The following FAT1 variants were observed in gnomAD, a reference collection of about 807,000 sequenced individuals.
The protein encoded by FAT1 is FAT atypical cadherin 1, also known as protocadherin Fat 1.
In FAT1, 171 loss-of-function variants were observed where a neutral mutation model predicts 329.8. That is an observed-to-expected ratio of 0.52 (90% CI 0.46 to 0.59). The LOEUF (loss-of-function observed/expected upper bound fraction) is 0.59, where lower values mean the gene tolerates loss of function less well. Among genes scored for constraint, FAT1 ranks in the 20% least tolerant of loss-of-function variants. FAT1 has a pLI of 0.00. For synonymous variants in FAT1, 2,233 were observed against 2,228.6 expected (o/e 1.00, Z -0.06); for missense variants, 5,672 against 5,774.4 (o/e 0.98, Z 0.57).
At chr4:186,610,248 C>G (rs930551436) in intron 14 of FAT1, among the ~76,000 whole-genome samples, 2 of 152,022 alleles carry the variant, frequency 1.3e-5, no homozygotes, top group Non-Finnish European at 2.9e-5. Flanking sequence ...ATTTAAATTG[C>G]TTTTCCAGTC....
intron 7 of FAT1, among the ~76,000 whole-genome samples, chr4:186,629,464 A>G (rs2126547094): frequency 1.3e-5 from 2 of 152,390 alleles, no homozygotes; most frequent in South Asian, 4.1e-4. Context: ...AAGCTAAATT[A>G]GAAACAAACA....
At chr4:186,609,667 C>T (rs776560130) in intron 15 of FAT1, 134 bp downstream of exon 15, 18 of 660,046 alleles carry the variant, frequency 2.7e-5, no homozygotes, top group South Asian at 1.1e-4. Context: ...AATCAGTTGG[C>T]CTAACAAAAG....
chr4:186,708,220 C>CA lies in FAT1; in HGVS notation c.1607dup (p.Arg537GlufsTer25). On this transcript the variant is annotated frameshift_variant, in exon 2 of 27. Transcript: ENST00000441802. LOFTEE classifies it high-confidence loss of function. ...AGCCCCAGTCTGATGCACGAATCCTCAGAGTATAAACCCGAGGCATCAGTT... is the reference window on the plus strand; with the variant it reads ...AGCCCCAGTCTGATGCACGAATCCTCAAGAGTATAAACCCGAGGCATCAGTT... The CA allele has an allele frequency of 6.2e-7, 1 of 1,613,992 alleles. No homozygotes were observed. The highest frequency in any genetic ancestry group is 8.5e-7 in the Non-Finnish European group (1 of 1,179,890).
At chr4:186,645,968 T>TACACACACACAC (rs371987938) in intron 3 of FAT1, among the ~76,000 whole-genome samples, 23 of 105,224 alleles carry the variant, frequency 2.2e-4, no homozygotes, top group East Asian at 2.8e-4. Flanking sequence ...AAAAAATATA[T>TACACACACACAC]ACACACACAC....
intron 10 of FAT1, 73 bp from the exon 11 acceptor site, chr4:186,617,274 CT>C (rs1376297249): frequency 9.3e-7 from 1 of 1,074,152 alleles, no homozygotes; most frequent in Non-Finnish European, 1.3e-6. Context: ...AAAAAATAAA[CT>C]GTACAAAAGA....
At chr4:186,661,559 TAC>T (rs1178608297) in intron 3 of FAT1, among the ~76,000 whole-genome samples, 1 of 152,214 alleles carries the variant, frequency 6.6e-6, no homozygotes, top group Non-Finnish European at 1.5e-5. Context: ...GGGAGGGTGG[TAC>T]ACCCTGACTC....
intron 2 of FAT1, among the ~76,000 whole-genome samples, chr4:186,683,124 T>C (rs1322303112): frequency 6.6e-6 from 1 of 152,162 alleles, no homozygotes; most frequent in African/African-American, 2.4e-5. Context: ...TTCCCTCTGA[T>C]TAAAAATTGT....
chr4:186,670,674 T>C (rs1040275519), intron 2 of FAT1, among the ~76,000 whole-genome samples: 3 of 152,188 alleles, frequency 2.0e-5, no homozygotes, highest in African/African-American at 4.8e-5. Flanking sequence ...TAAAAGTAGA[T>C]TGTAAGCTTC....
chr4:186,624,976 A>T (rs1740228902), intron 9 of FAT1, among the ~76,000 whole-genome samples: 1 of 152,212 alleles, frequency 6.6e-6, no homozygotes, highest in African/African-American at 2.4e-5. Flanking sequence ...GCATCTTAAA[A>T]GTCCTAATTC....
chr4:186,613,584 T>G (rs1318325228), intron 12 of FAT1, among the ~76,000 whole-genome samples: 1 of 152,222 alleles, frequency 6.6e-6, no homozygotes, highest in African/African-American at 2.4e-5. Context: ...TCTCACCTTG[T>G]GTATAAGATT....
At chr4:186,635,048 G>A (rs1740763707) in intron 6 of FAT1, among the ~76,000 whole-genome samples, 1 of 152,202 alleles carries the variant, frequency 6.6e-6, no homozygotes, top group African/African-American at 2.4e-5. Context: ...GGTTTCACAG[G>A]TGCTGATGAC....
At chr4:186,666,565 C>G (rs1462730287) in intron 2 of FAT1, among the ~76,000 whole-genome samples, 1 of 152,192 alleles carries the variant, frequency 6.6e-6, no homozygotes, top group Non-Finnish European at 1.5e-5. Context: ...TAGAAAATCT[C>G]AAGAAGACAG....
Position 186,709,822 on chromosome 4 carries a change from C to T in FAT1, c.6G>A (p.Gly2=), listed in dbSNP as rs1285993905. The T allele has an allele frequency of 6.3e-7, 1 of 1,599,052 alleles. No homozygotes were observed. Among genetic ancestry groups the T allele is most frequent in the Non-Finnish European group, 8.5e-7 (1 of 1,170,962 alleles). The change falls in exon 2 of 27, where the codon GGG becomes GGA. Residue 2 remains glycine, a synonymous_variant. Coordinates refer to ENST00000441802, the MANE Select transcript of FAT1 (RefSeq NM_005245.4). ...GAAGCAGGAGCAAAGCCAAATGTCT[C>T]CCCATTGCTTAACTGTCGGGAATCT... M[G]RHLALLLLLL... is the part of the protein sequence containing the mutation.
chr4:186,709,600 G>C lies in FAT1; in HGVS notation c.228C>G (p.Ser76=), dbSNP rs574717722. 1 of 1,613,880 alleles carries C rather than the reference G, an allele frequency of 6.2e-7. No homozygotes were observed. The highest frequency in any genetic ancestry group is 8.5e-7 in the Non-Finnish European group (1 of 1,179,868). Reference sequence around the variant, plus strand: ...CTTTGAACAGGTTTTCACTGTCTCCGGAAACAATTTTGTACCTTACTTCCC... The same window carrying C: ...CTTTGAACAGGTTTTCACTGTCTCCCGAAACAATTTTGTACCTTACTTCCC... ...PAWEVRYKIV[S]GDSENLFKAE... Residue 76 remains serine, a synonymous_variant, in exon 2 of 27, where the codon TCC becomes TCG. Transcript: ENST00000441802.
chr4:186,604,786 A>AC (rs1739014581), intron 17 of FAT1, among the ~76,000 whole-genome samples: 1 of 123,160 alleles, frequency 8.1e-6, no homozygotes, highest in South Asian at 3.4e-4. Context: ...AAGAAAAAGG[A>AC]GGATGAAGGA....
At chr4:186,718,730 C>G (rs1745332185) in intron 1 of FAT1, among the ~76,000 whole-genome samples, 2 of 152,126 alleles carry the variant, frequency 1.3e-5, no homozygotes, top group South Asian at 4.2e-4. Context: ...TTCAAACAAA[C>G]ACTCTTATTC....
intron 16 of FAT1, among the ~76,000 whole-genome samples, chr4:186,607,711 A>G (rs72716251): frequency 0.26 from 39,261 of 151,152 alleles, 6,069 homozygotes; most frequent in Non-Finnish European, 0.34. Context: ...GGGTAGGTGA[A>G]TGGGTGGGTA....
At chr4:186,712,667 AT>A (rs1002244899) in intron 1 of FAT1, among the ~76,000 whole-genome samples, 2 of 152,160 alleles carry the variant, frequency 1.3e-5, no homozygotes, top group Non-Finnish European at 2.9e-5. Context: ...GGAACCCTAA[AT>A]CCAAAGGGTC....
chr4:186,652,393 C>CA (rs1329921386), intron 3 of FAT1, among the ~76,000 whole-genome samples: 1 of 152,120 alleles, frequency 6.6e-6, no homozygotes, highest in Admixed American at 6.6e-5. Flanking sequence ...ATAGAAAAAC[C>CA]AAATGCTGAC....
Sources: allele counts gnomAD v4.1 joint callset (sites outside exome capture counted in the v4.1 genomes callset), GRCh38; gene constraint gnomAD v4.1.1; transcripts MANE v1.5; gene names NCBI Gene and HGNC (gene_info 2026-07-23, HGNC 2026-07-21).